Variants in CNTNAP2 observed in about 807,000 individuals in gnomAD.
The protein encoded by CNTNAP2 is contactin associated protein 2, also known as contactin-associated protein-like 2.
CNTNAP2 carries 98 observed loss-of-function variants against 155.2 expected under a neutral mutation model. That is an observed-to-expected ratio of 0.63 (90% CI 0.54 to 0.75). The LOEUF (loss-of-function observed/expected upper bound fraction) is 0.75. Ranked by LOEUF, CNTNAP2 falls within the 30% of genes least tolerant of loss-of-function variation. The probability of loss-of-function intolerance (pLI) is 0.00; values close to 1 mark genes in which losing one functional copy is unlikely to be tolerated. For missense variants in CNTNAP2, 1,727 were observed against 1,688.1 expected (o/e 1.02, Z -0.40); for synonymous variants, 651 against 631.2 (o/e 1.03, Z -0.47).
Position 147,345,841 on chromosome 7 carries a change from A to C in CNTNAP2, c.1498+45551A>C, listed in dbSNP as rs866129939. Reference sequence around the variant, plus strand: ...TTTCCATGTTTGAATGTCAGTGAGCATGTAGGAGCATCACATAGTTATTTT... The same window carrying C: ...TTTCCATGTTTGAATGTCAGTGAGCCTGTAGGAGCATCACATAGTTATTTT... On this transcript the variant is annotated intron_variant, in intron 9 of 23. Transcript: ENST00000361727. Among the ~76,000 whole-genome samples, 9 of 152,282 alleles carry C rather than the reference A, an allele frequency of 5.9e-5. No homozygotes were observed. In the East Asian group the frequency reaches 1.7e-3, roughly 29 times the overall value.
intron 9 of CNTNAP2, among the ~76,000 whole-genome samples, chr7:147,376,683 A>T (rs1796439516): frequency 6.6e-6 from 1 of 151,924 alleles, no homozygotes; most frequent in Non-Finnish European, 1.5e-5. Flanking sequence ...GTTCATCCTC[A>T]TAATAATACT....
At chr7:147,858,609 G>C (rs1488294596) in intron 13 of CNTNAP2, among the ~76,000 whole-genome samples, 1 of 152,184 alleles carries the variant, frequency 6.6e-6, no homozygotes, top group Non-Finnish European at 1.5e-5. Flanking sequence ...GGGAGTTGCA[G>C]ATGTAATCAA....
intron 15 of CNTNAP2, among the ~76,000 whole-genome samples, chr7:147,995,668 C>G (rs1801791799): frequency 6.6e-6 from 1 of 152,062 alleles, no homozygotes; most frequent in African/African-American, 2.4e-5. Context: ...CGCCCGCCAC[C>G]ATGCCCAGCT....
At chr7:147,525,081 G>C (rs1799295059) in intron 11 of CNTNAP2, among the ~76,000 whole-genome samples, 1 of 152,222 alleles carries the variant, frequency 6.6e-6, no homozygotes, top group Non-Finnish European at 1.5e-5. Context: ...GCAGGCATGA[G>C]AGCCACAAAC....
At chr7:147,746,697 C>T (rs765612671) in intron 13 of CNTNAP2, among the ~76,000 whole-genome samples, 12 of 152,144 alleles carry the variant, frequency 7.9e-5, no homozygotes, top group Non-Finnish European at 1.3e-4. Context: ...TCTCCCATCA[C>T]TGCTGTGGTT....
chr7:147,605,127 G>A (rs983269335), intron 12 of CNTNAP2, among the ~76,000 whole-genome samples: 13 of 152,070 alleles, frequency 8.5e-5, no homozygotes, highest in African/African-American at 1.7e-4. Flanking sequence ...CAAGTGCATC[G>A]TTTCCTACTA....
At chr7:146,502,761 G>A (rs563710450) in intron 1 of CNTNAP2, among the ~76,000 whole-genome samples, 188 of 152,096 alleles carry the variant, frequency 1.2e-3, no homozygotes, top group African/African-American at 3.5e-3. Flanking sequence ...TGCTGCAAGC[G>A]TGCACCAACA....
chr7:146,406,731 C>T (rs1795797563), intron 1 of CNTNAP2, among the ~76,000 whole-genome samples: 1 of 152,110 alleles, frequency 6.6e-6, no homozygotes, highest in South Asian at 2.1e-4. Flanking sequence ...CTTGAGTCAA[C>T]CTCGCAGAAC....
At chr7:147,363,967 T>G (rs1400678074) in intron 9 of CNTNAP2, among the ~76,000 whole-genome samples, 1 of 152,212 alleles carries the variant, frequency 6.6e-6, no homozygotes, top group Admixed American at 6.5e-5. Flanking sequence ...GTATGCTAGT[T>G]TGACCCCTAC....
intron 13 of CNTNAP2, among the ~76,000 whole-genome samples, chr7:147,794,094 C>A (rs1797857706): frequency 6.6e-6 from 1 of 151,812 alleles, no homozygotes; most frequent in Non-Finnish European, 1.5e-5. Flanking sequence ...ATCCTGTTAT[C>A]TTTAGATAAA....
chr7:146,613,065 T>C (rs1799165425), intron 1 of CNTNAP2, among the ~76,000 whole-genome samples: 2 of 152,150 alleles, frequency 1.3e-5, no homozygotes, highest in Non-Finnish European at 2.9e-5. Flanking sequence ...GCTAATTGTC[T>C]TCCTTATATT....
intron 1 of CNTNAP2, among the ~76,000 whole-genome samples, chr7:146,273,652 C>A (rs1284764951): frequency 6.6e-6 from 1 of 152,122 alleles, no homozygotes; most frequent in Non-Finnish European, 1.5e-5. Context: ...GTATTTTAAG[C>A]TCATGCCTGA....
At chr7:146,250,022 T>C (rs1563007914) in intron 1 of CNTNAP2, among the ~76,000 whole-genome samples, 1 of 152,214 alleles carries the variant, frequency 6.6e-6, no homozygotes, top group East Asian at 1.9e-4. Context: ...CTTGAAGAGA[T>C]AAGATACTCT....
chr7:146,933,928 A>G (rs1032208075), intron 3 of CNTNAP2, among the ~76,000 whole-genome samples: 4 of 152,004 alleles, frequency 2.6e-5, no homozygotes, highest in African/African-American at 9.6e-5. Context: ...AATCATTAAA[A>G]AGTCAGGAAA....
At chr7:146,731,597 CT>C (rs1801526460) in intron 1 of CNTNAP2, among the ~76,000 whole-genome samples, 1 of 152,014 alleles carries the variant, frequency 6.6e-6, no homozygotes, top group Admixed American at 6.6e-5. Context: ...GTTGATACAA[CT>C]CACAATATCA....
chr7:147,465,990 G>A (rs1367914977), intron 10 of CNTNAP2, among the ~76,000 whole-genome samples: 1 of 152,160 alleles, frequency 6.6e-6, no homozygotes, highest in Admixed American at 6.5e-5. Flanking sequence ...TAGGAGCCAA[G>A]GGCCCTCTCA....
intron 18 of CNTNAP2, among the ~76,000 whole-genome samples, chr7:148,192,694 A>G (rs1795219272): frequency 6.6e-6 from 1 of 152,216 alleles, no homozygotes; most frequent in Admixed American, 6.5e-5. Context: ...TAGGAAGGAT[A>G]CGTGACACAT....
chr7:146,559,848 A>G (rs1444912577), intron 1 of CNTNAP2, among the ~76,000 whole-genome samples: 2 of 46,626 alleles, frequency 4.3e-5, no homozygotes, highest in African/African-American at 1.1e-4. Context: ...TTTAAATTAC[A>G]TACAAAAAAA....
chr7:146,211,108 T>C (rs1336083348), intron 1 of CNTNAP2, among the ~76,000 whole-genome samples: 1 of 152,092 alleles, frequency 6.6e-6, no homozygotes, highest in African/African-American at 2.4e-5. Context: ...AGCAAACAAC[T>C]CTAGGGCCCT....
Sources: allele counts gnomAD v4.1 joint callset (sites outside exome capture counted in the v4.1 genomes callset), GRCh38; gene constraint gnomAD v4.1.1; transcripts MANE v1.5; gene names NCBI Gene and HGNC (gene_info 2026-07-23, HGNC 2026-07-21).